Variants in ADAD1 observed in about 807,000 individuals in gnomAD.
ADAD1 encodes adenosine deaminase domain-containing protein 1.
ADAD1 carries 46 observed loss-of-function variants against 66.8 expected under a neutral mutation model. The ratio of observed to expected loss-of-function variants is 0.69; its 90% CI spans 0.54 to 0.88. The LOEUF (loss-of-function observed/expected upper bound fraction) is 0.88. ADAD1 is among the 40% of genes least tolerant of loss of function. The pLI, the probability that ADAD1 is intolerant of heterozygous loss-of-function variation, is 0.00. For synonymous variants in ADAD1, 248 were observed against 229.4 expected (o/e 1.08, Z -0.73); for missense variants, 617 against 681.8 (o/e 0.91, Z 1.06).
intron 7 of ADAD1, among the ~76,000 whole-genome samples, chr4:122,404,156 C>T (rs987266710): frequency 7.9e-5 from 12 of 152,176 alleles, no homozygotes; most frequent in Admixed American, 6.5e-4. Context: ...TAGGGTGTGG[C>T]TTCTGCACTC....
At chr4:122,400,874 G>A (rs897719061) in intron 7 of ADAD1, among the ~76,000 whole-genome samples, 14 of 151,828 alleles carry the variant, frequency 9.2e-5, no homozygotes, top group African/African-American at 3.1e-4. Context: ...GAGCTTATTT[G>A]GATCTTGTCT....
intron 8 of ADAD1, 59 bp downstream of exon 8, chr4:122,408,090 T>C: frequency 1.3e-6 from 2 of 1,507,344 alleles, no homozygotes; most frequent in Non-Finnish European, 1.8e-6. Flanking sequence ...CAAAGTAACT[T>C]CATATAAATG....
intron 11 of ADAD1, among the ~76,000 whole-genome samples, chr4:122,418,396 A>G (rs996771314): frequency 2.9e-5 from 4 of 138,218 alleles, no homozygotes; most frequent in South Asian, 4.5e-4. Context: ...TGCAAGCTCC[A>G]CCTTCCAGGT....
At chr4:122,381,290 G>T (rs897943229) in intron 4 of ADAD1, 110 bp downstream of exon 4, 2 of 1,096,592 alleles carry the variant, frequency 1.8e-6, no homozygotes, top group Non-Finnish European at 2.5e-6. Flanking sequence ...CTGATTGTAT[G>T]TTTTCACAAG....
intron 10 of ADAD1, among the ~76,000 whole-genome samples, chr4:122,415,006 G>T (rs1218218665): frequency 1.3e-5 from 2 of 152,068 alleles, no homozygotes; most frequent in East Asian, 1.9e-4. Flanking sequence ...TTCTCATCCA[G>T]ATTTGTCAAC....
intron 3 of ADAD1, among the ~76,000 whole-genome samples, chr4:122,380,760 C>T (rs1193797362): frequency 3.9e-5 from 6 of 152,100 alleles, no homozygotes; most frequent in Non-Finnish European, 8.8e-5. Flanking sequence ...CTTGATATCA[C>T]TTAATAATGA....
In ADAD1 at chr4:122,411,230, A is replaced by G; in HGVS notation, c.857A>G (p.Tyr286Cys). Reference protein sequence around the residue: ...TARRSLLRYFYRQLLLFYSKN... With the variant: ...TARRSLLRYFCRQLLLFYSKN... Reference sequence around the variant, plus strand: ...TATAACATTTATTTTAGGTACTTTTATAGACAACTTCTGCTCTTCTACAGC... The same window carrying G: ...TATAACATTTATTTTAGGTACTTTTGTAGACAACTTCTGCTCTTCTACAGC... Residue 286 changes from tyrosine (Y) to cysteine (C), a missense_variant, in exon 9 of 13, where the codon TAT (tyrosine) becomes TGT (cysteine). Tyr to Cys is a radical substitution (Grantham distance 194, BLOSUM62 -2). Coordinates refer to ENST00000296513, the MANE Select transcript of ADAD1 (RefSeq NM_139243.4). The G allele has an allele frequency of 1.3e-6, 2 of 1,593,582 alleles. No homozygotes were observed. Among genetic ancestry groups the G allele is most frequent in the African/African-American group, 1.4e-5 (1 of 73,494 alleles).
At chr4:122,396,408 T>C (rs750419716) in intron 7 of ADAD1, 31 bp downstream of exon 7, 13 of 1,528,196 alleles carry the variant, frequency 8.5e-6, no homozygotes, top group Non-Finnish European at 9.7e-6. Flanking sequence ...AAAACTAATA[T>C]TGTAATAATC....
chr4:122,413,877 T>TATATATATATATATATATATATATA (rs1796584711), intron 10 of ADAD1, among the ~76,000 whole-genome samples: 1 of 144,036 alleles, frequency 6.9e-6, no homozygotes, highest in Admixed American at 7.0e-5. Context: ...TATATATATA[T>TATATATATATATATATATATATATA]GAATTATTGT....
At chr4:122,422,956 TAAAAAAAAAA>T (rs537676034) in intron 12 of ADAD1, among the ~76,000 whole-genome samples, 3 of 97,200 alleles carry the variant, frequency 3.1e-5, no homozygotes, top group Non-Finnish European at 6.0e-5. Context: ...TATTTCTCTT[TAAAAAAAAAA>T]AAAAAAAAAA....
At chr4:122,428,040 TCAA>T (rs1364549353) in intron 12 of ADAD1, among the ~76,000 whole-genome samples, 3 of 151,950 alleles carry the variant, frequency 2.0e-5, no homozygotes, top group Non-Finnish European at 2.9e-5. Context: ...AATCATTTTT[TCAA>T]CAAATAGTGC....
Position 122,425,434 on chromosome 4 carries a change from G to A in ADAD1, c.1617+4044G>A, listed in dbSNP as rs114724356. On this transcript the variant is annotated intron_variant, in intron 12 of 12. Transcript: ENST00000296513. ...GTTAACTTGCCTCTGAATAACTCAT[G>A]GTTCAAGGAAGAAATTATTAGGAAA... Among the ~76,000 whole-genome samples the A allele has an allele frequency of 7.5e-3, 1,140 of 152,008 alleles. 11 individuals are homozygous for A. Among genetic ancestry groups the A allele is most frequent in the South Asian group, 0.029 (139 of 4,814 alleles).
chr4:122,380,346 C>T (rs1794832428), intron 3 of ADAD1, 105 bp downstream of exon 3: 1 of 1,358,562 alleles, frequency 7.4e-7, no homozygotes, highest in Non-Finnish European at 1.0e-6. Flanking sequence ...GTTGTATAGA[C>T]ATTTACCCGT....
In ADAD1 at chr4:122,380,230, C is replaced by T. The variant is rs200229076; in HGVS notation, c.161C>T (p.Thr54Met). 6 of 1,607,568 alleles carry T rather than the reference C, an allele frequency of 3.7e-6. No individual in the cohort carries two copies. Among genetic ancestry groups the T allele is most frequent in the African/African-American group, 1.3e-5 (1 of 74,630 alleles). Residue 54 changes from threonine (T) to methionine (M), a missense_variant, in exon 3 of 13, where the codon ACG (threonine) becomes ATG (methionine). Coordinates refer to ENST00000296513, the MANE Select transcript of ADAD1 (RefSeq NM_139243.4). The part of the protein sequence containing the change: ...YGLSKMASKV[T>M]QVTGNFPEPL... Reference sequence around the variant, plus strand: ...CTGTCCAAGATGGCATCCAAGGTTACGCAAGTAACGGGTACGACTTTTTTC... The same window carrying T: ...CTGTCCAAGATGGCATCCAAGGTTATGCAAGTAACGGGTACGACTTTTTTC...
At chr4:122,393,343 A>G (rs72928031) in intron 5 of ADAD1, among the ~76,000 whole-genome samples, 86 of 152,234 alleles carry the variant, frequency 5.6e-4, no homozygotes, top group African/African-American at 1.9e-3. Flanking sequence ...AGGATGTTGC[A>G]TCTATTATAA....
intron 11 of ADAD1, 90 bp downstream of exon 11, chr4:122,415,706 A>G (rs1280247793): frequency 9.1e-7 from 1 of 1,097,554 alleles, no homozygotes; most frequent in South Asian, 1.5e-5. Context: ...TTTGGATACT[A>G]TTTATTGAAC....
chr4:122,411,083 A>C, intron 8 of ADAD1, 139 bp from the exon 9 acceptor site: 1 of 633,062 alleles, frequency 1.6e-6, no homozygotes, highest in South Asian at 2.8e-5. Context: ...AATAAAGCTA[A>C]GATTGATTTA....
intron 4 of ADAD1, among the ~76,000 whole-genome samples, chr4:122,383,004 A>G (rs1441929998): frequency 6.6e-6 from 1 of 152,286 alleles, no homozygotes; most frequent in African/African-American, 2.4e-5. Context: ...ATCTGTAACC[A>G]AAGAGTGGAG....
intron 11 of ADAD1, among the ~76,000 whole-genome samples, chr4:122,419,294 C>T (rs966317952): frequency 2.0e-5 from 3 of 152,124 alleles, no homozygotes; most frequent in Admixed American, 6.6e-5. Flanking sequence ...AACCAAATCT[C>T]GCATGTTCTC....
Sources: gnomAD v4.1 joint callset for allele counts (sites outside exome capture counted in the v4.1 genomes callset) on GRCh38, gnomAD v4.1.1 for gene constraint, MANE v1.5 for transcripts, NCBI Gene and HGNC (gene_info 2026-07-23, HGNC 2026-07-21) for gene names.